TRAF2: variants seen among roughly 807,000 people sequenced by gnomAD.
The protein encoded by TRAF2 is TNF receptor-associated factor 2.
Under a neutral mutation model 55.6 loss-of-function variants are expected in TRAF2, and 6 were observed. The observed-to-expected ratio is 0.11, with a 90% confidence interval of 0.06 to 0.21. The LOEUF is 0.21. Among genes scored for constraint, TRAF2 ranks in the 10% least tolerant of loss-of-function variants. TRAF2 has a pLI of 1.00. For synonymous variants in TRAF2, 329 were observed against 276.3 expected, an observed-to-expected ratio of 1.19 and a Z score of -1.89; for missense variants, 561 against 684.5, an observed-to-expected ratio of 0.82 and a Z score of 2.01.
At chr9:136,901,144 AGT>A (rs1849811293) in intron 4 of TRAF2, among the ~76,000 whole-genome samples, 1 of 147,024 alleles carries the variant, frequency 6.8e-6, no homozygotes, top group South Asian at 2.1e-4. Flanking sequence ...TGGGGATTTC[AGT>A]GTGATTCTCA....
chr9:136,894,652 C>G (rs1434802533), intron 1 of TRAF2, among the ~76,000 whole-genome samples: 1 of 152,094 alleles, frequency 6.6e-6, no homozygotes, highest in Non-Finnish European at 1.5e-5. Flanking sequence ...GGGTTTCCTT[C>G]TGAGTGCCCA....
intron 6 of TRAF2, among the ~76,000 whole-genome samples, chr9:136,915,901 G>A (rs1441974946): frequency 2.6e-5 from 4 of 152,144 alleles, no homozygotes; most frequent in African/African-American, 9.7e-5. Flanking sequence ...ATCTTGTGCT[G>A]CGTCTGGCAT....
chr9:136,899,221 T>TG (rs1474748643), intron 2 of TRAF2, among the ~76,000 whole-genome samples: 1 of 152,254 alleles, frequency 6.6e-6, no homozygotes, highest in East Asian at 1.9e-4. Context: ...AAGTGCCACC[T>TG]ACTGCTCACT....
upstream of TRAF2, chr9:136,882,814 G>A: frequency 4.5e-6 from 4 of 887,124 alleles, no homozygotes; most frequent in Non-Finnish European, 5.4e-6. Flanking sequence ...CCCAATCAGT[G>A]TGTGCCTCTG....
In TRAF2 at chr9:136,900,404, G is replaced by C; in HGVS notation, c.268-18G>C. 1 of 1,565,620 alleles carries C rather than the reference G, an allele frequency of 6.4e-7. No homozygotes were observed. Among genetic ancestry groups the C allele is most frequent in the Non-Finnish European group, 8.7e-7 (1 of 1,152,290 alleles). The stretch of plus-strand genomic sequence containing the variant: ...AGTCTGGGAGGAGGTTTAACCCGAG[G>C]GATATTCCTCTCCCCAGGCCTTCCC... On this transcript the variant is annotated intron_variant, in intron 3 of 10. Coordinates refer to ENST00000247668, the MANE Select transcript of TRAF2 (RefSeq NM_021138.4).
rs1039143193 is a variant in TRAF2 at position 136,893,589 on chromosome 9, G to A, written c.-28-5124G>A. Among the ~76,000 whole-genome samples, 3 of 152,236 alleles carry A rather than the reference G, an allele frequency of 2.0e-5. No individual in the cohort carries two copies. The South Asian group carries it at 6.2e-4, about 32-fold the overall frequency. On this transcript the variant is annotated intron_variant, in intron 1 of 10. Transcript: ENST00000247668. ...CATGGGTCTGCAGGGTTGGCGCACCGTCTGGGGAAGACACTTGGAATGTGC... is the reference window on the plus strand; with the variant it reads ...CATGGGTCTGCAGGGTTGGCGCACCATCTGGGGAAGACACTTGGAATGTGC...
chr9:136,884,992 C>T (rs1849418763), upstream of TRAF2, among the ~76,000 whole-genome samples: 1 of 152,240 alleles, frequency 6.6e-6, no homozygotes, highest in African/African-American at 2.4e-5. Context: ...ACTGAGCCTG[C>T]AGGTGCGGAC....
In TRAF2 at chr9:136,913,295, AT is replaced by A. The variant is rs369765173; in HGVS notation, c.604-3224del. Reference sequence around the variant, plus strand: ...CATACCATGTTCTTATTATAAAGGAATTTTTTTTTTTTTTTTTTTTTTGAGA... The same window carrying A: ...CATACCATGTTCTTATTATAAAGGAATTTTTTTTTTTTTTTTTTTTTGAGA... On this transcript the variant is annotated intron_variant, in intron 6 of 10. Coordinates refer to ENST00000247668, the MANE Select transcript of TRAF2 (RefSeq NM_021138.4). Among the ~76,000 whole-genome samples the A allele has an allele frequency of 6.7e-3, 580 of 87,042 alleles. 7 individuals are homozygous for A. The highest frequency in any genetic ancestry group is 0.041 in the Admixed American group (288 of 7,100). 57.1% of individuals were successfully genotyped at this position (87,042 alleles called of 152,430 possible).
intron 1 of TRAF2, among the ~76,000 whole-genome samples, chr9:136,896,035 C>T (rs1042483036): frequency 2.0e-5 from 3 of 152,086 alleles, no homozygotes; most frequent in Non-Finnish European, 4.4e-5. Context: ...ATGCCCCTGT[C>T]CTTCCTCCAC....
chr9:136,921,833 G>A (rs1005259972), intron 9 of TRAF2, among the ~76,000 whole-genome samples: 17 of 152,190 alleles, frequency 1.1e-4, no homozygotes, highest in African/African-American at 4.1e-4. Context: ...GCTTCTGGGC[G>A]CTGCAGTCCA....
In TRAF2 at chr9:136,899,552, A is replaced by C. The variant is rs759942619; in HGVS notation, c.189-42A>C. ...GCAAATGGTGTTTGTTTTTTGCATT[A>C]GGTTTCACAGTGGGTTGTTTTTTGC... On this transcript the variant is annotated intron_variant, in intron 2 of 10. Transcript: ENST00000247668. 3.2e-6 allele frequency: 5 copies of C among 1,574,070 alleles called. No homozygotes were observed. In the Admixed American group the frequency reaches 9.0e-5, roughly 28 times the overall value.
In TRAF2 at chr9:136,915,942, C is replaced by T. The variant is rs140346576; in HGVS notation, c.604-599C>T. ...GGTTTGGTTTTCTCACACTCAGAGC[C>T]GCGACACACCTGCCATGTCACCTGG... On this transcript the variant is annotated intron_variant, in intron 6 of 10. Coordinates refer to ENST00000247668, the MANE Select transcript of TRAF2 (RefSeq NM_021138.4). 4.5e-3 allele frequency among the ~76,000 whole-genome samples: 686 copies of T among 152,180 alleles called. 6 individuals are homozygous for T. The highest frequency in any genetic ancestry group is 0.016 in the African/African-American group (650 of 41,506).
chr9:136,920,997 A>C (rs1588444245), intron 8 of TRAF2, 41 bp from the exon 9 acceptor site: 1 of 1,603,408 alleles, frequency 6.2e-7, no homozygotes, highest in Non-Finnish European at 8.5e-7. Flanking sequence ...TCGTGCCCGC[A>C]CCCCTCCTGT....
chr9:136,899,448 G>T, intron 2 of TRAF2, 146 bp from the exon 3 acceptor site: 1 of 637,742 alleles, frequency 1.6e-6, no homozygotes, highest in Non-Finnish European at 2.7e-6. Flanking sequence ...AACATGTCCT[G>T]TTAACATTTG....
chr9:136,920,335 C>A lies in TRAF2; in HGVS notation c.780C>A (p.Asp260Glu), dbSNP rs773995647. Residue 260 changes from aspartate to glutamate, a missense_variant, in exon 8 of 11, where the codon GAC becomes GAA. By Grantham distance (45) the Asp-to-Glu change is conservative. This residue lies in a region of TRAF2 where 426 missense variants were observed against 476.8 expected (regional missense o/e 0.89). Transcript: ENST00000247668. Reference sequence around the variant, plus strand: ...TGGAGGCAAAGCCCCTCTTGGGAGACCAGAGCCACGCGGGGTCAGAGCTCC... The same window carrying A: ...TGGAGGCAAAGCCCCTCTTGGGAGAACAGAGCCACGCGGGGTCAGAGCTCC... ...SVLEAKPLLG[D>E]QSHAGSELLQ... 1.2e-6 allele frequency: 2 copies of A among 1,614,050 alleles called. No individual in the cohort carries two copies. The highest frequency in any genetic ancestry group is 1.1e-5 in the South Asian group (1 of 91,088).
At chr9:136,888,021 C>T (rs1440277236) in intron 1 of TRAF2, among the ~76,000 whole-genome samples, 1 of 152,004 alleles carries the variant, frequency 6.6e-6, no homozygotes, top group African/African-American at 2.4e-5. Context: ...AGGCGTGCAC[C>T]ACCACGCCCG....
intron 10 of TRAF2, among the ~76,000 whole-genome samples, chr9:136,924,900 A>G (rs17250652): frequency 2.8e-3 from 424 of 152,058 alleles, no homozygotes; most frequent in South Asian, 4.8e-3. Context: ...CACCACGCCC[A>G]GCTAATTTTT....
At chr9:136,920,890 G>A (rs1017013185) in intron 8 of TRAF2, 148 bp from the exon 9 acceptor site, 4 of 1,006,218 alleles carry the variant, frequency 4.0e-6, no homozygotes, top group South Asian at 3.3e-5. Flanking sequence ...GTGGGGTTGG[G>A]TTCTTGTGTG....
chr9:136,903,028 G>A (rs541661134), intron 4 of TRAF2, among the ~76,000 whole-genome samples: 3 of 152,162 alleles, frequency 2.0e-5, no homozygotes, highest in South Asian at 2.1e-4. Context: ...GTGCAGTGGC[G>A]TGACCTCGGC....
Sources: allele counts gnomAD v4.1 joint callset (sites outside exome capture counted in the v4.1 genomes callset), GRCh38; gene constraint gnomAD v4.1.1; regional missense constraint gnomAD v4.1.1; transcripts MANE v1.5; gene names NCBI Gene and HGNC (gene_info 2026-07-23, HGNC 2026-07-21).